Variants in SLC30A4 observed in about 807,000 individuals in gnomAD.
SLC30A4 encodes the protein solute carrier family 30 member 4.
SLC30A4 carries 20 observed loss-of-function variants against 41.7 expected under a neutral mutation model. The observed-to-expected ratio is 0.48, with a 90% CI of 0.34 to 0.70. The LOEUF (loss-of-function observed/expected upper bound fraction) is 0.70, where lower values mean the gene tolerates loss of function less well. SLC30A4 is among the 30% of genes least tolerant of loss of function. The pLI is 0.01. For missense variants in SLC30A4, 441 were observed against 529.3 expected (o/e 0.83, Z 1.64); for synonymous variants, 181 against 195.9 (o/e 0.92, Z 0.64).
intron 3 of SLC30A4, among the ~76,000 whole-genome samples, chr15:45,498,752 G>A (rs995112553): frequency 6.6e-6 from 1 of 152,166 alleles, no homozygotes; most frequent in African/African-American, 2.4e-5. Context: ...TTTATTTGAT[G>A]TGATTAAATT....
chr15:45,486,084 G>A (rs1018553501), intron 7 of SLC30A4, among the ~76,000 whole-genome samples: 5 of 151,188 alleles, frequency 3.3e-5, no homozygotes, highest in African/African-American at 7.3e-5. Flanking sequence ...CTGCAGTGGC[G>A]CAATCTCGGC....
intron 1 of SLC30A4, 66 bp downstream of exon 1, chr15:45,522,541 G>C: frequency 3.5e-6 from 2 of 578,982 alleles, no homozygotes; most frequent in Non-Finnish European, 5.7e-6. Context: ...CGCTGGCGGC[G>C]GGTCGCAGGG....
At position 45,490,998 on chromosome 15, in the gene SLC30A4, T is replaced by C. The variant is rs146241104; in HGVS notation, c.539-117A>G. On this transcript the variant is annotated intron_variant, in intron 3 of 7. Coordinates refer to ENST00000261867, the MANE Select transcript of SLC30A4 (RefSeq NM_013309.6). ...TTCCTCTAAGGAGATAAAAGCCCTCTATTGTTTCTGTCACGTCATTTTTCT... is the reference window on the plus strand; with the variant it reads ...TTCCTCTAAGGAGATAAAAGCCCTCCATTGTTTCTGTCACGTCATTTTTCT... 2.8e-3 allele frequency: 1,775 copies of C among 633,590 alleles called. 4 individuals carry two copies. Among genetic ancestry groups the C allele is most frequent in the Non-Finnish European group, 3.5e-3 (1,398 of 401,428 alleles). 39.2% of individuals were successfully genotyped at this position (633,590 alleles called of 1,614,324 possible). A position where few individuals can be genotyped will look rare whatever the true frequency, so the allele number is the denominator to read the frequency against.
At position 45,520,993 on chromosome 15, in the gene SLC30A4, A is replaced by C. The variant is rs140824560; in HGVS notation, c.391+971T>G. The C allele has an allele frequency of 4.8e-3, 2,239 of 466,256 alleles. 8 individuals are homozygous for C. The highest frequency in any genetic ancestry group is 8.2e-3 in the Middle Eastern group (25 of 3,052). 28.9% of individuals were successfully genotyped at this position (466,256 alleles called of 1,614,324 possible). On this transcript the variant is annotated intron_variant, in intron 2 of 7. Coordinates refer to ENST00000261867, the MANE Select transcript of SLC30A4 (RefSeq NM_013309.6). The stretch of plus-strand genomic sequence containing the variant: ...GGAAAAAGAAGACCAGCATGGCTGA[A>C]GCGAGCCCTGGGGAGGAGTGTTATG...
intron 2 of SLC30A4, 182 bp downstream of exon 2, chr15:45,521,782 T>G: frequency 1.5e-5 from 8 of 537,794 alleles, no homozygotes; most frequent in Admixed American, 3.5e-5. Context: ...TCTCGGGGAG[T>G]TTATATTGTA....
chr15:45,510,878 T>C (rs1173491237), intron 3 of SLC30A4, among the ~76,000 whole-genome samples: 2 of 152,222 alleles, frequency 1.3e-5, no homozygotes, highest in Non-Finnish European at 2.9e-5. Flanking sequence ...AAGTAAACTT[T>C]TTTCTGATGA....
intron 3 of SLC30A4, among the ~76,000 whole-genome samples, chr15:45,493,875 G>A (rs1891857370): frequency 6.6e-6 from 1 of 151,718 alleles, no homozygotes. Context: ...TGCATCAACA[G>A]AACAGATATA....
In SLC30A4 at chr15:45,517,470, C is replaced by T. The variant is rs149862335; in HGVS notation, c.391+4494G>A. ...CTAGGTTCAAGTGATTCTTTTGCCT[C>T]GGCCTCCCGAGTAGCTGGGATTACA... On this transcript the variant is annotated intron_variant, in intron 2 of 7. Transcript: ENST00000261867. Among the ~76,000 whole-genome samples the T allele has an allele frequency of 6.0e-3, 902 of 149,552 alleles. 11 individuals carry two copies. Among genetic ancestry groups the T allele is most frequent in the African/African-American group, 0.021 (866 of 40,764 alleles).
At chr15:45,505,124 G>A (rs1892123130) in intron 3 of SLC30A4, among the ~76,000 whole-genome samples, 1 of 151,866 alleles carries the variant, frequency 6.6e-6, no homozygotes, top group Non-Finnish European at 1.5e-5. Flanking sequence ...CCAGCTACTT[G>A]GGAAGCTAAG....
In SLC30A4 at chr15:45,484,971, A is replaced by T; in HGVS notation, c.*192T>A. On this transcript the variant is annotated 3_prime_UTR_variant, in exon 8 of 8. Coordinates refer to ENST00000261867, the MANE Select transcript of SLC30A4 (RefSeq NM_013309.6). ...TGTTTGGGAAACATCTTCATCTGAA[A>T]ATTATGGCAAAGTCTCCTTTTACCA... The T allele has an allele frequency of 1.8e-6, 1 of 546,710 alleles. No individual in the cohort carries two copies. The highest frequency in any genetic ancestry group is 3.7e-5 in the Admixed American group (1 of 27,256). 33.9% of individuals were successfully genotyped at this position (546,710 alleles called of 1,614,324 possible).
chr15:45,511,057 C>T (rs935841530), intron 3 of SLC30A4, 81 bp downstream of exon 3: 24 of 1,059,782 alleles, frequency 2.3e-5, no homozygotes, highest in Non-Finnish European at 3.0e-5. Flanking sequence ...ATCACTGGAA[C>T]GAGTTCAGTT....
At chr15:45,502,029 A>C (rs576450908) in intron 3 of SLC30A4, 1 of 152,198 alleles carries the variant, frequency 6.6e-6, no homozygotes, top group Non-Finnish European at 1.5e-5. Flanking sequence ...AAACTCATAA[A>C]TAAATCAAAC....
intron 2 of SLC30A4, chr15:45,521,022 G>C (rs377162552): frequency 7.8e-4 from 366 of 467,112 alleles, no homozygotes; most frequent in Non-Finnish European, 6.2e-5. Flanking sequence ...TGTTATGAAA[G>C]AAGGTAGGAA....
At chr15:45,492,144 T>C (rs2140818199) in intron 3 of SLC30A4, among the ~76,000 whole-genome samples, 1 of 151,336 alleles carries the variant, frequency 6.6e-6, no homozygotes, top group South Asian at 2.1e-4. Flanking sequence ...GGACTCTACT[T>C]GATAGAAACA....
chr15:45,500,963 C>T lies in SLC30A4; in HGVS notation c.539-10082G>A, dbSNP rs138331366. On this transcript the variant is annotated intron_variant, in intron 3 of 7. Coordinates refer to ENST00000261867, the MANE Select transcript of SLC30A4 (RefSeq NM_013309.6). ...CCTCCCAAAGTGCTGGGATTACAGGCGTGAGTATTTTTATAGTCTATTCTG... is the reference window on the plus strand; with the variant it reads ...CCTCCCAAAGTGCTGGGATTACAGGTGTGAGTATTTTTATAGTCTATTCTG... 3.7e-3 allele frequency among the ~76,000 whole-genome samples: 552 copies of T among 147,690 alleles called. 4 individuals are homozygous for T. The highest frequency in any genetic ancestry group is 0.013 in the African/African-American group (520 of 40,572).
At chr15:45,520,962 G>T (rs748073112) in intron 2 of SLC30A4, 81 of 447,880 alleles carry the variant, frequency 1.8e-4, no homozygotes, top group Non-Finnish European at 3.0e-4. Context: ...TTTGTGAGTT[G>T]TAAGAGGAAA....
At chr15:45,513,641 A>C (rs2140854083) in intron 2 of SLC30A4, 1 of 152,340 alleles carries the variant, frequency 6.6e-6, no homozygotes, top group East Asian at 1.9e-4. Flanking sequence ...AATATCAGCA[A>C]GAACAGTTAT....
intron 2 of SLC30A4, among the ~76,000 whole-genome samples, chr15:45,512,178 T>A (rs1012390177): frequency 2.6e-5 from 4 of 152,212 alleles, no homozygotes; most frequent in African/African-American, 9.7e-5. Flanking sequence ...TCATTGTGTG[T>A]CTGTATTGTC....
Position 45,481,826 on chromosome 15 carries a change from A to G in SLC30A4, c.*3337T>C, listed in dbSNP as rs918191515. The G allele has an allele frequency of 6.6e-6, 1 of 152,166 alleles. No individual in the cohort carries two copies. The highest frequency in any genetic ancestry group is 1.5e-5 in the Non-Finnish European group (1 of 68,044). The allele number at this position is 152,166 out of a possible 1,614,324, so 9.4% of individuals were successfully genotyped here. On this transcript the variant is annotated 3_prime_UTR_variant, in exon 8 of 8. Coordinates refer to ENST00000261867, the MANE Select transcript of SLC30A4 (RefSeq NM_013309.6). Reference sequence around the variant, plus strand: ...AATTCTCAAATCTCATAGACTCCGTAAGGTAAAGATACAAACTATGTACTT... The same window carrying G: ...AATTCTCAAATCTCATAGACTCCGTGAGGTAAAGATACAAACTATGTACTT...
Sources: gnomAD v4.1 joint callset for allele counts (sites outside exome capture counted in the v4.1 genomes callset) on GRCh38, gnomAD v4.1.1 for gene constraint, MANE v1.5 for transcripts, NCBI Gene and HGNC (gene_info 2026-07-23, HGNC 2026-07-21) for gene names.